Variants in LONP2 observed in about 807,000 individuals in gnomAD.
LONP2 encodes the protein lon protease homolog 2, peroxisomal.
Under a neutral mutation model 85.6 loss-of-function variants are expected in LONP2, and 60 were observed. The ratio of observed to expected loss-of-function variants is 0.70; its 90% CI spans 0.57 to 0.87. LONP2 has a LOEUF of 0.87. LONP2 is among the 40% of genes least tolerant of loss of function. The probability of loss-of-function intolerance (pLI) is 0.00; values close to 1 mark genes in which losing one functional copy is unlikely to be tolerated. For synonymous variants in LONP2, 395 were observed against 389.7 expected (o/e 1.01, Z -0.16); for missense variants, 860 against 1,063.5 (o/e 0.81, Z 2.66).
At chr16:48,258,856 G>T in intron 4 of LONP2, 116 bp downstream of exon 4, 1 of 963,590 alleles carries the variant, frequency 1.0e-6, no homozygotes, top group Non-Finnish European at 1.4e-6. Flanking sequence ...TAAAATTTAG[G>T]TGTTTCCCTC....
At chr16:48,293,997 C>A (rs1045091311) in intron 8 of LONP2, among the ~76,000 whole-genome samples, 3 of 152,224 alleles carry the variant, frequency 2.0e-5, no homozygotes, top group African/African-American at 7.2e-5. Context: ...AGTGCAGTGG[C>A]GTGATCTCAG....
At chr16:48,307,840 T>G (rs1972943418) in intron 11 of LONP2, among the ~76,000 whole-genome samples, 1 of 152,128 alleles carries the variant, frequency 6.6e-6, no homozygotes, top group South Asian at 2.1e-4. Flanking sequence ...TGGGTCAGAG[T>G]TCTGCAGGCT....
At chr16:48,246,857 C>T (rs1261342319) in intron 1 of LONP2, among the ~76,000 whole-genome samples, 2 of 152,110 alleles carry the variant, frequency 1.3e-5, no homozygotes, top group African/African-American at 4.8e-5. Flanking sequence ...TATAGGCAAG[C>T]GCCACCATAC....
At chr16:48,349,887 C>T (rs1960086225) in intron 14 of LONP2, among the ~76,000 whole-genome samples, 1 of 152,186 alleles carries the variant, frequency 6.6e-6, no homozygotes, top group South Asian at 2.1e-4. Flanking sequence ...ATTTCATCCC[C>T]TTGACTTTTC....
At chr16:48,260,849 G>A (rs1013150733) in intron 4 of LONP2, among the ~76,000 whole-genome samples, 1 of 152,196 alleles carries the variant, frequency 6.6e-6, no homozygotes, top group South Asian at 2.1e-4. Context: ...AGGGGATCTG[G>A]TGGTTATAGC....
chr16:48,307,209 CACTT>C (rs1312820832), intron 11 of LONP2, among the ~76,000 whole-genome samples: 1 of 152,196 alleles, frequency 6.6e-6, no homozygotes, highest in Non-Finnish European at 1.5e-5. Flanking sequence ...TGGTTTCAGT[CACTT>C]ACCTATAAAG....
At chr16:48,351,487 G>A in intron 14 of LONP2, 94 bp from the exon 15 acceptor site, 7 of 912,808 alleles carry the variant, frequency 7.7e-6, no homozygotes, top group Non-Finnish European at 1.2e-5. Flanking sequence ...TTTTAAAATA[G>A]TAGTGGTTAA....
rs771109483 is a variant in LONP2 at position 48,348,246 on chromosome 16, G to A, written c.2293G>A (p.Val765Ile). Residue 765 changes from valine to isoleucine, a missense_variant, in exon 14 of 15, where the codon GTA (valine) becomes ATA (isoleucine). This residue lies in a region of LONP2 where 115 missense variants were observed against 129.0 expected (regional missense o/e 0.89). Coordinates refer to ENST00000285737, the MANE Select transcript of LONP2 (RefSeq NM_031490.5). ...TAGTGGGCGGCTGGTACGTTCAGATGTAGCCATGACTGGAGAAATTACACT... is the reference window on the plus strand; with the variant it reads ...TAGTGGGCGGCTGGTACGTTCAGATATAGCCATGACTGGAGAAATTACACT... ...LFSGRLVRSD[V>I]AMTGEITLRG... 2 of 1,599,426 alleles carry A rather than the reference G, an allele frequency of 1.3e-6. No homozygotes were observed. Among genetic ancestry groups the A allele is most frequent in the Non-Finnish European group, 1.7e-6 (2 of 1,174,360 alleles).
At chr16:48,320,989 A>C (rs1417728022) in intron 11 of LONP2, among the ~76,000 whole-genome samples, 11 of 152,160 alleles carry the variant, frequency 7.2e-5, no homozygotes, top group Admixed American at 7.2e-4. Flanking sequence ...ACTGGAGTGG[A>C]GTGGCCTGGT....
In LONP2 at chr16:48,258,760, C is replaced by A; in HGVS notation, c.723+20C>A. 1 of 1,571,252 alleles carries A rather than the reference C, an allele frequency of 6.4e-7. No homozygotes were observed. The highest frequency in any genetic ancestry group is 8.6e-7 in the Non-Finnish European group (1 of 1,163,714). On this transcript the variant is annotated intron_variant, in intron 4 of 14. Coordinates refer to ENST00000285737, the MANE Select transcript of LONP2 (RefSeq NM_031490.5). ...AAGAGGGTAAATATTTATTTTAACCCATTTCAGTTTTGAAAAAAAAATAAG... is the reference window on the plus strand; with the variant it reads ...AAGAGGGTAAATATTTATTTTAACCAATTTCAGTTTTGAAAAAAAAATAAG...
At chr16:48,339,824 G>A (rs1238665386) in intron 12 of LONP2, among the ~76,000 whole-genome samples, 1 of 152,234 alleles carries the variant, frequency 6.6e-6, no homozygotes, top group Non-Finnish European at 1.5e-5. Context: ...CAAGAGAGGA[G>A]TGAAGTTAGG....
intron 11 of LONP2, among the ~76,000 whole-genome samples, chr16:48,307,053 T>C (rs969893675): frequency 2.0e-5 from 3 of 152,212 alleles, no homozygotes; most frequent in Admixed American, 1.3e-4. Context: ...CTTTCTGGAA[T>C]AGGCCCAGAA....
chr16:48,362,375 T>C lies in LONP2; in HGVS notation c.*512T>C, dbSNP rs551135519. 1.2e-6 allele frequency: 2 copies of C among 1,614,228 alleles called. No homozygotes were observed. Among genetic ancestry groups the C allele is most frequent in the African/African-American group, 2.7e-5 (2 of 75,070 alleles). On this transcript the variant is annotated 3_prime_UTR_variant, in exon 5 of 5. Transcript: ENST00000565867. This position sits in a 1 kb window ranked among gnomAD's most constrained non-coding sequence, Gnocchi z 4.2. ...CAGTCAGGGCAGGCACCCTCTGGGA[T>C]GGTGGACACTTCGAGGTACCGGTAG...
At chr16:48,320,253 A>AC (rs1296291116) in intron 11 of LONP2, among the ~76,000 whole-genome samples, 1 of 152,002 alleles carries the variant, frequency 6.6e-6, no homozygotes, top group East Asian at 1.9e-4. Context: ...CTTATCAAAG[A>AC]CCCAGGTTGC....
At chr16:48,259,727 C>T (rs1193468244) in intron 4 of LONP2, among the ~76,000 whole-genome samples, 1 of 152,168 alleles carries the variant, frequency 6.6e-6, no homozygotes, top group African/African-American at 2.4e-5. Flanking sequence ...CAGTGATGAT[C>T]ATGCTGGCGA....
chr16:48,354,196 CTTTTTTTTTTTTTTTTTTTTT>C lies in LONP2; in HGVS notation c.*2403_*2423del, dbSNP rs1159788312. On this transcript the variant is annotated 3_prime_UTR_variant, in exon 15 of 15. Transcript: ENST00000285737. ...GATCTAAGCATGTCCACTCTACACG[CTTTTTTTTTTTTTTTTTTTTT>C]TTTTTTTTGAGATGGAGTCTTGCTC... The C allele has an allele frequency of 2.2e-5, 1 of 46,186 alleles. No homozygotes were observed. The highest frequency in any genetic ancestry group is 9.5e-5 in the African/African-American group (1 of 10,542). The allele number at this position is 46,186 out of a possible 1,614,324, so 2.9% of individuals were successfully genotyped here.
At chr16:48,265,345 TTCAGGCC>T (rs1277837344) in intron 6 of LONP2, among the ~76,000 whole-genome samples, 1 of 152,092 alleles carries the variant, frequency 6.6e-6, no homozygotes, top group Admixed American at 6.5e-5. Context: ...GTTTTACAGT[TTCAGGCC>T]TTACATTTAA....
intron 12 of LONP2, among the ~76,000 whole-genome samples, chr16:48,338,887 G>A (rs750223670): frequency 3.9e-5 from 6 of 152,104 alleles, no homozygotes; most frequent in Non-Finnish European, 7.4e-5. Flanking sequence ...CAGCCTGGGT[G>A]ACAGAACAAG....
chr16:48,347,031 A>G (rs1345435616), intron 12 of LONP2, among the ~76,000 whole-genome samples: 1 of 152,026 alleles, frequency 6.6e-6, no homozygotes, highest in African/African-American at 2.4e-5. Context: ...GTGTGCGCCC[A>G]TAGTACCAGC....
Sources: allele counts gnomAD v4.1 joint callset (sites outside exome capture counted in the v4.1 genomes callset), GRCh38; gene constraint gnomAD v4.1.1; regional missense constraint gnomAD v4.1.1; non-coding constraint Gnocchi (gnomAD v3.1); transcripts MANE v1.5; gene names NCBI Gene and HGNC (gene_info 2026-07-23, HGNC 2026-07-21).